Variants in DAB1 observed in about 807,000 individuals in gnomAD.
The protein encoded by DAB1 is DAB adaptor protein 1, also known as disabled homolog 1.
A neutral mutation model predicts 64.6 loss-of-function variants in DAB1; 15 were observed. The ratio of observed to expected loss-of-function variants is 0.23; its 90% confidence interval spans 0.16 to 0.36. The LOEUF (loss-of-function observed/expected upper bound fraction) is 0.36, where lower values mean the gene tolerates loss of function less well. Among genes scored for constraint, DAB1 ranks in the 10% least tolerant of loss-of-function variants. The probability of loss-of-function intolerance (pLI) is 1.00; values close to 1 mark genes in which losing one functional copy is unlikely to be tolerated. For missense variants in DAB1, 596 were observed against 706.7 expected (o/e 0.84, Z 1.78); for synonymous variants, 235 against 251.9 (o/e 0.93, Z 0.64).
At chr1:58,291,008 G>A (rs1189532881) in intron 4 of DAB1, among the ~76,000 whole-genome samples, 1 of 152,174 alleles carries the variant, frequency 6.6e-6, no homozygotes, top group African/African-American at 2.4e-5. Context: ...TATCATGAGA[G>A]GAGAGAGAAA....
At chr1:57,174,618 T>C (rs1205075704) in intron 2 of DAB1, among the ~76,000 whole-genome samples, 1 of 152,186 alleles carries the variant, frequency 6.6e-6, no homozygotes, top group Non-Finnish European at 1.5e-5. Flanking sequence ...TGCTTTACTT[T>C]ACTGCCTTGA....
chr1:57,307,789 C>T (rs1478160180), intron 1 of DAB1, among the ~76,000 whole-genome samples: 6 of 152,232 alleles, frequency 3.9e-5, no homozygotes, highest in Admixed American at 2.0e-4. Flanking sequence ...CACCCCCTTT[C>T]CTGTATGTTG....
intron 3 of DAB1, among the ~76,000 whole-genome samples, chr1:58,379,088 C>G (rs1291427003): frequency 6.6e-6 from 1 of 151,672 alleles, no homozygotes. Context: ...CTGGCACTCC[C>G]TAGTGAGATG....
chr1:58,358,429 C>T (rs933951416), intron 3 of DAB1, among the ~76,000 whole-genome samples: 9 of 152,188 alleles, frequency 5.9e-5, no homozygotes, highest in African/African-American at 2.2e-4. Flanking sequence ...AAAAAAAGCA[C>T]TGCCACCAAC....
At chr1:57,476,199 C>A (rs1349722507) in intron 7 of DAB1, among the ~76,000 whole-genome samples, 7 of 147,182 alleles carry the variant, frequency 4.8e-5, no homozygotes, top group Non-Finnish European at 8.9e-5. Flanking sequence ...GTACTCCAGC[C>A]TGGGCAACAA....
chr1:58,421,419 G>A (rs1258811675), intron 3 of DAB1, among the ~76,000 whole-genome samples: 2 of 152,186 alleles, frequency 1.3e-5, no homozygotes, highest in East Asian at 3.8e-4. Context: ...TGGAGCAGAA[G>A]GGAGACTGAA....
intron 4 of DAB1, among the ~76,000 whole-genome samples, chr1:57,091,556 G>GAA (rs1365606525): frequency 1.3e-5 from 2 of 152,144 alleles, no homozygotes; most frequent in African/African-American, 4.8e-5. Context: ...CAGCACCCTT[G>GAA]AATGCCTTCT....
chr1:57,808,395 C>A (rs1040769457), intron 6 of DAB1, among the ~76,000 whole-genome samples: 1 of 152,178 alleles, frequency 6.6e-6, no homozygotes, highest in Non-Finnish European at 1.5e-5. Flanking sequence ...CAACCCTCAA[C>A]TGATAGCTTC....
At chr1:57,665,817 GT>G (rs539876405) in intron 6 of DAB1, among the ~76,000 whole-genome samples, 3,320 of 139,116 alleles carry the variant, frequency 0.024, 111 homozygotes, top group African/African-American at 0.081. Flanking sequence ...TACAGGATTG[GT>G]TTTTTTTTTC....
chr1:57,159,191 TG>T (rs1660510739), intron 2 of DAB1, among the ~76,000 whole-genome samples: 2 of 152,290 alleles, frequency 1.3e-5, no homozygotes, highest in South Asian at 4.2e-4. Context: ...TTTCTTCCTC[TG>T]GGTCTTTTAT....
chr1:57,940,516 A>T (rs951808256), intron 5 of DAB1, among the ~76,000 whole-genome samples: 2 of 152,206 alleles, frequency 1.3e-5, no homozygotes, highest in African/African-American at 4.8e-5. Flanking sequence ...AGAACCTTTT[A>T]AGTCTTCTAG....
intron 5 of DAB1, among the ~76,000 whole-genome samples, chr1:57,980,856 A>T (rs1004771702): frequency 6.6e-6 from 1 of 152,002 alleles, no homozygotes; most frequent in Non-Finnish European, 1.5e-5. Context: ...CTGTTTTAAT[A>T]AACTAGTAAA....
intron 2 of DAB1, among the ~76,000 whole-genome samples, chr1:57,214,400 G>A (rs556617307): frequency 1.3e-5 from 2 of 152,302 alleles, no homozygotes; most frequent in Admixed American, 1.3e-4. Context: ...TTGGTTTGAG[G>A]TGGATCATAA....
At chr1:57,182,513 GC>G (rs747595693) in intron 2 of DAB1, among the ~76,000 whole-genome samples, 8 of 152,188 alleles carry the variant, frequency 5.3e-5, no homozygotes, top group Non-Finnish European at 1.0e-4. Flanking sequence ...TACATACTAG[GC>G]AGGAACTGTG....
At chr1:57,785,706 T>C (rs1650305974) in intron 6 of DAB1, among the ~76,000 whole-genome samples, 1 of 152,186 alleles carries the variant, frequency 6.6e-6, no homozygotes, top group African/African-American at 2.4e-5. Flanking sequence ...AGTTGCTTCT[T>C]ATAGATGATC....
Position 57,252,854 on chromosome 1 carries a change from A to G in DAB1, c.67+38110T>C, listed in dbSNP as rs367802486. Among the ~76,000 whole-genome samples the G allele has an allele frequency of 2.6e-5, 4 of 152,284 alleles. No individual in the cohort carries two copies. The East Asian group carries it at 7.7e-4, about 29-fold the overall frequency. ...ATGGTAGGCAGATCAAGGGGCTTAA[A>G]AATCATGCTAACCTGAAAGATTACA... On this transcript the variant is annotated intron_variant, in intron 2 of 14. Coordinates refer to ENST00000371236, the MANE Select transcript of DAB1 (RefSeq NM_001365792.1).
At chr1:58,317,109 T>C (rs961928634) in intron 4 of DAB1, among the ~76,000 whole-genome samples, 2 of 152,246 alleles carry the variant, frequency 1.3e-5, no homozygotes, top group African/African-American at 2.4e-5. Context: ...TACTCTTCCA[T>C]CTGTTCTGTC....
intron 7 of DAB1, among the ~76,000 whole-genome samples, chr1:57,430,795 T>C (rs61108548): frequency 0.01 from 1,553 of 152,220 alleles, 23 homozygotes; most frequent in African/African-American, 0.036. Flanking sequence ...TTAAAGTTCA[T>C]GCTTATAATC....
chr1:58,098,109 A>C (rs1380107774), intron 5 of DAB1, among the ~76,000 whole-genome samples: 2 of 152,202 alleles, frequency 1.3e-5, no homozygotes, highest in African/African-American at 4.8e-5. Context: ...AAATACATAC[A>C]GGCCATGTCT....
Sources: allele counts gnomAD v4.1 joint callset (sites outside exome capture counted in the v4.1 genomes callset), GRCh38; gene constraint gnomAD v4.1.1; transcripts MANE v1.5; gene names NCBI Gene and HGNC (gene_info 2026-07-23, HGNC 2026-07-21).